The following PAPPA2 variants were observed in gnomAD, a reference collection of about 807,000 sequenced individuals.
PAPPA2 encodes pappalysin-2.
Under a neutral mutation model 176.4 loss-of-function variants are expected in PAPPA2, and 86 were observed. That is an observed-to-expected ratio of 0.49 (90% CI 0.41 to 0.58). PAPPA2 has a LOEUF of 0.58. Ranked by LOEUF, PAPPA2 falls within the 20% of genes least tolerant of loss-of-function variation. PAPPA2 has a pLI of 0.00. For missense variants in PAPPA2, 2,073 were observed against 2,256.9 expected (o/e 0.92, Z 1.65); for synonymous variants, 809 against 852.2 (o/e 0.95, Z 0.88).
chr1:176,756,962 G>A (rs1663457192), intron 14 of PAPPA2, among the ~76,000 whole-genome samples: 1 of 152,114 alleles, frequency 6.6e-6, no homozygotes, highest in South Asian at 2.1e-4. Context: ...GCAGTGTTTG[G>A]TTTTCTGTCC....
Position 176,503,960 on chromosome 1 carries a change from T to C in PAPPA2, c.-917+40542T>C, listed in dbSNP as rs201607604. 4.6e-5 allele frequency among the ~76,000 whole-genome samples: 7 copies of C among 152,272 alleles called. No individual in the cohort carries two copies. The East Asian group carries it at 1.3e-3, about 29-fold the overall frequency. ...CTCTACAGAAGTGGGATGAAAAAAC[T>C]CAGCATCAATGTCAGGACATAAGGA... is the stretch of plus-strand genomic sequence containing the variant. On this transcript the variant is annotated intron_variant, in intron 1 of 22. Coordinates refer to ENST00000367662, the MANE Select transcript of PAPPA2 (RefSeq NM_020318.3).
intron 21 of PAPPA2, among the ~76,000 whole-genome samples, chr1:176,805,727 A>C (rs1465448472): frequency 6.6e-6 from 1 of 152,186 alleles, no homozygotes; most frequent in Non-Finnish European, 1.5e-5. Context: ...TCAATCCTGT[A>C]ATCCCAACAC....
chr1:176,675,805 T>G, intron 4 of PAPPA2, among the ~76,000 whole-genome samples: 1 of 151,888 alleles, frequency 6.6e-6, no homozygotes, highest in East Asian at 1.9e-4. Flanking sequence ...ACAAGGTGAA[T>G]AGGAAATATT....
intron 9 of PAPPA2, among the ~76,000 whole-genome samples, chr1:176,704,617 T>C (rs1347443517): frequency 6.6e-6 from 1 of 152,186 alleles, no homozygotes; most frequent in Non-Finnish European, 1.5e-5. Flanking sequence ...TTATATTTAG[T>C]TTAAAAACCA....
chr1:176,819,247 A>T (rs1418027224), intron 21 of PAPPA2, among the ~76,000 whole-genome samples: 1 of 152,148 alleles, frequency 6.6e-6, no homozygotes, highest in Admixed American at 6.6e-5. Flanking sequence ...TGCTGACTTG[A>T]GAAGAGTAAA....
intron 14 of PAPPA2, among the ~76,000 whole-genome samples, chr1:176,742,768 A>G (rs1571258886): frequency 2.6e-5 from 4 of 152,308 alleles, no homozygotes; most frequent in Admixed American, 2.6e-4. Flanking sequence ...CACGATATAA[A>G]ACCCTCAAAT....
chr1:176,595,416 C>T lies in PAPPA2; in HGVS notation c.1812C>T (p.Leu604=), dbSNP rs1234995660. ...DHCDPECEHP[L]TGYDGGDCRL... is the part of the protein sequence containing the mutation. ...GTGACCCCGAGTGTGAGCACCCACT[C>T]ACAGGCTATGATGGGGGTGACTGCC... The change falls in exon 3 of 23, where the codon CTC becomes CTT. Residue 604 remains leucine (L), a synonymous_variant. Coordinates refer to ENST00000367662, the MANE Select transcript of PAPPA2 (RefSeq NM_020318.3). 6.2e-7 allele frequency: 1 copy of T among 1,614,236 alleles called. No individual in the cohort carries two copies. Among genetic ancestry groups the T allele is most frequent in the Non-Finnish European group, 8.5e-7 (1 of 1,180,052 alleles).
intron 1 of PAPPA2, among the ~76,000 whole-genome samples, chr1:176,538,077 C>T (rs1490271137): frequency 6.6e-6 from 1 of 152,140 alleles, no homozygotes; most frequent in Admixed American, 6.6e-5. Context: ...TTCACCTTCT[C>T]AATATAGTAA....
At chr1:176,820,155 C>G (rs1033179781) in intron 21 of PAPPA2, among the ~76,000 whole-genome samples, 3 of 152,118 alleles carry the variant, frequency 2.0e-5, no homozygotes, top group Admixed American at 2.0e-4. Flanking sequence ...CAAAAAAAAA[C>G]AACACGCACC....
At chr1:176,740,917 G>A (rs1389271430) in intron 14 of PAPPA2, among the ~76,000 whole-genome samples, 8 of 152,056 alleles carry the variant, frequency 5.3e-5, no homozygotes, top group African/African-American at 1.9e-4. Flanking sequence ...AGGTGAGATC[G>A]CTTACTTGTT....
Position 176,699,551 on chromosome 1 carries a change from C to G in PAPPA2, c.3198C>G (p.Pro1066=), listed in dbSNP as rs763772069. 1.2e-6 allele frequency: 2 copies of G among 1,609,762 alleles called. No individual in the cohort carries two copies. The highest frequency in any genetic ancestry group is 2.2e-5 in the South Asian group (2 of 90,942). Residue 1066 remains proline, a synonymous_variant, in exon 8 of 23, where the codon CCC becomes CCG. Transcript: ENST00000367662. Reference sequence around the variant, plus strand: ...ATCCCCCATTTGCCAGTGGTTTGCCCGTGGTGGTGACACATTCTCACAGGA... The same window carrying G: ...ATCCCCCATTTGCCAGTGGTTTGCCGGTGGTGGTGACACATTCTCACAGGA... The part of the protein sequence containing the change: ...LRDPPFASGL[P]VVVTHSHRKF...
intron 2 of PAPPA2, among the ~76,000 whole-genome samples, chr1:176,581,336 C>T (rs1652946705): frequency 6.6e-6 from 1 of 152,070 alleles, no homozygotes; most frequent in Non-Finnish European, 1.5e-5. Context: ...ATTTTTATGC[C>T]AGTACAATGC....
chr1:176,520,175 C>T (rs1178921631), intron 1 of PAPPA2, among the ~76,000 whole-genome samples: 1 of 152,176 alleles, frequency 6.6e-6, no homozygotes, highest in Non-Finnish European at 1.5e-5. Context: ...TTCTATTCTT[C>T]CTCCTTGTCC....
Position 176,692,162 on chromosome 1 carries a change from T to C in PAPPA2, c.2468T>C (p.Val823Ala), listed in dbSNP as rs76466582. 6.2e-7 allele frequency: 1 copy of C among 1,614,052 alleles called. No homozygotes were observed. ...ACTGACAACTTCACTCCTAACCAAGTGGCCCGAATGCATTGCTATTTGGAC... is the reference window on the plus strand; with the variant it reads ...ACTGACAACTTCACTCCTAACCAAGCGGCCCGAATGCATTGCTATTTGGAC... ...NCTDNFTPNQ[V>A]ARMHCYLDLV... is the part of the protein sequence containing the mutation. The change falls in exon 6 of 23, where the codon GTG becomes GCG. Residue 823 changes from valine to alanine, a missense_variant. Physicochemically the swap from Val to Ala is moderately conservative, Grantham distance 64 (BLOSUM62 0). Transcript: ENST00000367662.
At chr1:176,676,100 GA>G (rs1178207963) in intron 4 of PAPPA2, among the ~76,000 whole-genome samples, 1 of 152,018 alleles carries the variant, frequency 6.6e-6, no homozygotes, top group African/African-American at 2.4e-5. Context: ...TAAGGATACA[GA>G]AAAATGGGAT....
intron 1 of PAPPA2, among the ~76,000 whole-genome samples, chr1:176,477,834 A>T (rs1022639318): frequency 1.3e-5 from 2 of 152,186 alleles, no homozygotes; most frequent in Non-Finnish European, 2.9e-5. Context: ...TACTTTTATG[A>T]CCCACTAAAG....
chr1:176,717,659 G>T (rs1661439817), intron 12 of PAPPA2, among the ~76,000 whole-genome samples: 1 of 152,146 alleles, frequency 6.6e-6, no homozygotes, highest in African/African-American at 2.4e-5. Context: ...CCAGTTTGGG[G>T]GCTTGCCTGC....
intron 14 of PAPPA2, among the ~76,000 whole-genome samples, chr1:176,761,989 A>G (rs1663719852): frequency 3.3e-5 from 5 of 152,212 alleles, no homozygotes; most frequent in Admixed American, 3.3e-4. Flanking sequence ...AGGGTGGGAT[A>G]ATGGAGAACA....
At chr1:176,690,849 T>C in intron 5 of PAPPA2, 1 of 995,180 alleles carries the variant, frequency 1.0e-6, no homozygotes, top group Non-Finnish European at 1.2e-6. Context: ...TGTACTGTTT[T>C]TGAAGTTGGT....
Sources: allele counts gnomAD v4.1 joint callset (sites outside exome capture counted in the v4.1 genomes callset), GRCh38; gene constraint gnomAD v4.1.1; transcripts MANE v1.5; gene names NCBI Gene and HGNC (gene_info 2026-07-23, HGNC 2026-07-21).